Variants in SURF4 observed in about 807,000 individuals in gnomAD.
SURF4 encodes the protein surfeit 4.
A neutral mutation model predicts 30.0 loss-of-function variants in SURF4; 3 were observed. The ratio of observed to expected loss-of-function variants is 0.10; its 90% CI spans 0.05 to 0.26. The LOEUF is 0.26. Among genes scored for constraint, SURF4 ranks in the 10% least tolerant of loss-of-function variants. The probability of loss-of-function intolerance (pLI) is 1.00; values close to 1 mark genes in which losing one functional copy is unlikely to be tolerated. For missense variants in SURF4, 217 were observed against 350.8 expected (o/e 0.62, Z 3.05); for synonymous variants, 143 against 139.9 (o/e 1.02, Z -0.16).
chr9:133,376,434 C>T (rs1375142635), upstream of SURF4: 1 of 1,535,710 alleles, frequency 6.5e-7, no homozygotes. Context: ...CGGGGTGGGG[C>T]CAGGGGTGGA....
At position 133,362,912 on chromosome 9, in the gene SURF4, C is replaced by T. The variant is rs1836909083; in HGVS notation, c.*581G>A. On this transcript the variant is annotated 3_prime_UTR_variant, in exon 6 of 6. Coordinates refer to ENST00000371989, the MANE Select transcript of SURF4 (RefSeq NM_033161.4). Reference sequence around the variant, plus strand: ...TATCATAAACAGCAGCTTCTACCACCCCTTTAATACTGCATCATTCTTTGG... The same window carrying T: ...TATCATAAACAGCAGCTTCTACCACTCCTTTAATACTGCATCATTCTTTGG... 1 of 160,744 alleles carries T rather than the reference C, an allele frequency of 6.2e-6. No individual in the cohort carries two copies. The highest frequency in any genetic ancestry group is 6.0e-5 in the Admixed American group (1 of 16,720). The allele number at this position is 160,744 out of a possible 1,614,324, so 10.0% of individuals were successfully genotyped here. A position where few individuals can be genotyped will look rare whatever the true frequency, so the allele number is the denominator to read the frequency against.
chr9:133,375,853 G>A (rs1837883360), intron 1 of SURF4, 69 bp downstream of exon 1: 1 of 1,206,954 alleles, frequency 8.3e-7, no homozygotes, highest in Non-Finnish European at 1.0e-6. Context: ...GCGCTGGGAG[G>A]CCGACTCCGG....
At chr9:133,366,756 T>C (rs1287876118) in intron 2 of SURF4, 81 bp from the exon 3 acceptor site, 9 of 1,358,940 alleles carry the variant, frequency 6.6e-6, no homozygotes, top group Non-Finnish European at 1.0e-6. Flanking sequence ...CTACCTCACC[T>C]GGCCCTTAGG....
At chr9:133,370,906 C>G (rs1183046079) in intron 1 of SURF4, 6 of 1,289,618 alleles carry the variant, frequency 4.7e-6, no homozygotes, top group Non-Finnish European at 6.1e-6. Context: ...TTAAGTCTCT[C>G]CGAGAACCGC....
intron 5 of SURF4, 71 bp downstream of exon 5, chr9:133,364,769 G>C: frequency 6.7e-7 from 1 of 1,499,474 alleles, no homozygotes; most frequent in African/African-American, 1.4e-5. Context: ...GGAGGGGTGA[G>C]CAGGGAGGGG....
In SURF4 at chr9:133,363,987, C is replaced by T. The variant is rs2130097758; in HGVS notation, c.544-228G>A. ...AAGGTTTGGGGAAGACTGAAGTTCC[C>T]AACTAGTAACAGGCTGTGATTTACC... On this transcript the variant is annotated intron_variant, in intron 5 of 5. Coordinates refer to ENST00000371989, the MANE Select transcript of SURF4 (RefSeq NM_033161.4). The surrounding 1 kb of genome is among the most constrained non-coding windows in gnomAD (Gnocchi z 4.3). 2.8e-6 allele frequency: 2 copies of T among 711,102 alleles called. No homozygotes were observed. The highest frequency in any genetic ancestry group is 1.5e-5 in the South Asian group (1 of 66,232). The allele number at this position is 711,102 out of a possible 1,614,324, so 44.0% of individuals were successfully genotyped here. A position where few individuals can be genotyped will look rare whatever the true frequency, so the allele number is the denominator to read the frequency against.
chr9:133,363,465 TA>T lies in SURF4; in HGVS notation c.*27del. ...ACCAGTCCTTGACGGCCACGGGTCT[TA>T]GCCAGGCAGGTAGGGATCTGTGACT... On this transcript the variant is annotated 3_prime_UTR_variant, in exon 6 of 6. Transcript: ENST00000371989. This position sits in a 1 kb window ranked among gnomAD's most constrained non-coding sequence, Gnocchi z 4.3. 1.9e-6 allele frequency: 3 copies of T among 1,614,250 alleles called. No homozygotes were observed. The highest frequency in any genetic ancestry group is 2.5e-6 in the Non-Finnish European group (3 of 1,180,042).
At chr9:133,368,975 G>A (rs1275499197) in intron 1 of SURF4, among the ~76,000 whole-genome samples, 1 of 152,170 alleles carries the variant, frequency 6.6e-6, no homozygotes, top group Non-Finnish European at 1.5e-5. Context: ...TTGGAACAAA[G>A]GAAGATATGC....
rs202135735 is a variant in SURF4, at chr9:133,362,950, G to GT, written c.*542dup. Reference sequence around the variant, plus strand: ...CATCATTCTTTGGGTGTCCCTAAATGTTTTCACTATTCCTATAAAATACAA... The same window carrying GT: ...CATCATTCTTTGGGTGTCCCTAAATGTTTTTCACTATTCCTATAAAATACAA... On this transcript the variant is annotated 3_prime_UTR_variant, in exon 6 of 6. Transcript: ENST00000371989. 2,001 of 199,946 alleles carry GT rather than the reference G, an allele frequency of 0.01. 29 individuals carry two copies. Among genetic ancestry groups the GT allele is most frequent in the African/African-American group, 0.035 (1,488 of 42,294 alleles). 12.4% of individuals were successfully genotyped at this position (199,946 alleles called of 1,614,324 possible). A position where few individuals can be genotyped will look rare whatever the true frequency, so the allele number is the denominator to read the frequency against.
At chr9:133,367,467 A>T in intron 1 of SURF4, 22 bp from the exon 2 acceptor site, 1 of 1,611,858 alleles carries the variant, frequency 6.2e-7, no homozygotes, top group Non-Finnish European at 8.5e-7. Flanking sequence ...CAGAAACCCA[A>T]GGGTGAGGTG....
At chr9:133,366,145 A>C in intron 3 of SURF4, 117 bp from the exon 4 acceptor site, 2 of 1,026,982 alleles carry the variant, frequency 1.9e-6, no homozygotes, top group South Asian at 1.3e-5. Flanking sequence ...AACACACAAA[A>C]CCATTGTAGG....
rs1302193521 is a variant in SURF4 at position 133,362,703 on chromosome 9, G to A, written c.*790C>T. Reference sequence around the variant, plus strand: ...TGGCTTGCAGGGTGCTGCTGCTGGGGCTACCCCTGTGTGGTCTCACTAGCC... The same window carrying A: ...TGGCTTGCAGGGTGCTGCTGCTGGGACTACCCCTGTGTGGTCTCACTAGCC... On this transcript the variant is annotated 3_prime_UTR_variant, in exon 6 of 6. Coordinates refer to ENST00000371989, the MANE Select transcript of SURF4 (RefSeq NM_033161.4). The A allele has an allele frequency of 6.5e-6, 1 of 153,166 alleles. No homozygotes were observed. Among genetic ancestry groups the A allele is most frequent in the African/African-American group, 2.4e-5 (1 of 41,412 alleles). The allele number at this position is 153,166 out of a possible 1,614,324, so 9.5% of individuals were successfully genotyped here.
intron 3 of SURF4, 86 bp from the exon 4 acceptor site, chr9:133,366,114 C>T: frequency 2.2e-6 from 3 of 1,349,914 alleles, no homozygotes; most frequent in Non-Finnish European, 3.2e-6. Context: ...GGCCGTCTCT[C>T]CAATGTCAGC....
At position 133,363,312 on chromosome 9, in the gene SURF4, G is replaced by T; in HGVS notation, c.*181C>A. ...GGTCAGACGCCAGACTGTGGCTCCA[G>T]AGCAGACTGAGCCATCGATTCTCAG... On this transcript the variant is annotated 3_prime_UTR_variant, in exon 6 of 6. Coordinates refer to ENST00000371989, the MANE Select transcript of SURF4 (RefSeq NM_033161.4). The surrounding 1 kb of genome is among the most constrained non-coding windows in gnomAD (Gnocchi z 4.3). The T allele has an allele frequency of 1.9e-6, 2 of 1,045,860 alleles. No homozygotes were observed. The highest frequency in any genetic ancestry group is 2.9e-6 in the Non-Finnish European group (2 of 687,022). The allele number at this position is 1,045,860 out of a possible 1,614,324, so 64.8% of individuals were successfully genotyped here.
At chr9:133,372,366 G>A (rs2130196658) in intron 1 of SURF4, among the ~76,000 whole-genome samples, 2 of 152,324 alleles carry the variant, frequency 1.3e-5, no homozygotes, top group Admixed American at 1.3e-4. Context: ...GAGGAACCCA[G>A]CCTTTGGGGT....
At chr9:133,374,986 T>C (rs1837787128) in intron 1 of SURF4, among the ~76,000 whole-genome samples, 2 of 152,190 alleles carry the variant, frequency 1.3e-5, no homozygotes, top group Admixed American at 1.3e-4. Context: ...CACACAAGGC[T>C]CTCCCTGCGG....
At chr9:133,374,565 GA>G (rs949377882) in intron 1 of SURF4, among the ~76,000 whole-genome samples, 15 of 151,596 alleles carry the variant, frequency 9.9e-5, no homozygotes, top group African/African-American at 3.6e-4. Context: ...CCATCTCAAA[GA>G]AAAAATAAAT....
chr9:133,365,032 G>C lies in SURF4; in HGVS notation c.357-6C>G. On this transcript the variant is annotated splice_region_variant and splice_polypyrimidine_tract_variant and intron_variant, in intron 4 of 5. Coordinates refer to ENST00000371989, the MANE Select transcript of SURF4 (RefSeq NM_033161.4). The stretch of plus-strand genomic sequence containing the variant: ...CTCCTCCCAGGGCCAGGTTCCTGAG[G>C]AACAGATATGTGGGCTGGAAGCTAA... 6.5e-7 allele frequency: 1 copy of C among 1,536,468 alleles called. No individual in the cohort carries two copies. The highest frequency in any genetic ancestry group is 1.4e-5 in the African/African-American group (1 of 72,982).
At chr9:133,376,197 G>T, upstream of SURF4, 1 of 1,270,740 alleles carries the variant, frequency 7.9e-7, no homozygotes, top group Non-Finnish European at 9.9e-7. Flanking sequence ...CCAGCCTCCC[G>T]ACCCATCCGC....
Sources: allele counts gnomAD v4.1 joint callset (sites outside exome capture counted in the v4.1 genomes callset), GRCh38; gene constraint gnomAD v4.1.1; non-coding constraint Gnocchi (gnomAD v3.1); transcripts MANE v1.5; gene names NCBI Gene and HGNC (gene_info 2026-07-23, HGNC 2026-07-21).